Variants in EXOC4 observed in about 807,000 individuals in gnomAD.
EXOC4 encodes SEC8-like 1.
A neutral mutation model predicts 107.2 loss-of-function variants in EXOC4; 71 were observed. The ratio of observed to expected loss-of-function variants is 0.66; its 90% CI spans 0.55 to 0.81. The LOEUF is 0.81. EXOC4 is among the 30% of genes least tolerant of loss of function. The pLI is 0.00. For synonymous variants in EXOC4, 456 were observed against 441.2 expected (o/e 1.03, Z -0.42); for missense variants, 1,108 against 1,189.6 (o/e 0.93, Z 1.01).
At chr7:133,567,010 C>T (rs1447022467) in intron 9 of EXOC4, among the ~76,000 whole-genome samples, 1 of 152,102 alleles carries the variant, frequency 6.6e-6, no homozygotes, top group Non-Finnish European at 1.5e-5. Context: ...GGTTTTTCTT[C>T]TCCTTTTTTA....
chr7:134,003,668 CAG>C (rs1048097084), intron 15 of EXOC4, among the ~76,000 whole-genome samples: 1 of 152,032 alleles, frequency 6.6e-6, no homozygotes, highest in Non-Finnish European at 1.5e-5. Context: ...CCTAAAACAA[CAG>C]AGTTAGGACT....
intron 14 of EXOC4, among the ~76,000 whole-genome samples, chr7:133,958,370 A>T (rs528433806): frequency 6.6e-6 from 1 of 152,214 alleles, no homozygotes; most frequent in East Asian, 1.9e-4. Context: ...CTCTGCTAAG[A>T]ATTTCTCTTA....
In EXOC4 at chr7:133,399,916, C is replaced by T. The variant is rs117721877; in HGVS notation, c.1182+24914C>T. On this transcript the variant is annotated intron_variant, in intron 7 of 17. Coordinates refer to ENST00000253861, the MANE Select transcript of EXOC4 (RefSeq NM_021807.4). ...GTAAGGGTTCATGTATGTGTTTAGTCACCATTCAAATTTGAGAGTTAAGTA... is the reference window on the plus strand; with the variant it reads ...GTAAGGGTTCATGTATGTGTTTAGTTACCATTCAAATTTGAGAGTTAAGTA... Among the ~76,000 whole-genome samples the T allele has an allele frequency of 1.3e-4, 20 of 152,296 alleles. No homozygotes were observed. In the East Asian group the frequency reaches 3.3e-3, roughly 25 times the overall value.
chr7:133,820,771 G>A (rs1472007255), intron 11 of EXOC4, among the ~76,000 whole-genome samples: 1 of 152,228 alleles, frequency 6.6e-6, no homozygotes, highest in African/African-American at 2.4e-5. Context: ...GAGGGTGGGA[G>A]GACAGCTGTC....
chr7:134,086,099 A>T, the EXOC4 span, among the ~76,000 whole-genome samples: 35 of 152,232 alleles, frequency 2.3e-4, no homozygotes, highest in Non-Finnish European at 4.3e-4. Flanking sequence ...ATCTCTGTTC[A>T]GTCATTAGCT....
At chr7:133,659,598 A>G (rs1176083094) in intron 10 of EXOC4, among the ~76,000 whole-genome samples, 1 of 152,168 alleles carries the variant, frequency 6.6e-6, no homozygotes, top group Non-Finnish European at 1.5e-5. Context: ...AGGGGTTCTT[A>G]TTGTAAGTGT....
rs1272707115 is a variant in EXOC4 at position 133,823,864 on chromosome 7, TA to T, written c.1734+6321del. Among the ~76,000 whole-genome samples, 24 of 24,760 alleles carry T rather than the reference TA, an allele frequency of 9.7e-4. 2 individuals are homozygous for T. Among genetic ancestry groups the T allele is most frequent in the Admixed American group, 1.6e-3 (3 of 1,882 alleles). The allele number at this position is 24,760 out of a possible 152,430, so 16.2% of individuals were successfully genotyped here. ...TATATTATATATATATATATATATA[TA>T]TATATATTATATATATATATATATA... On this transcript the variant is annotated intron_variant, in intron 11 of 17. Transcript: ENST00000253861.
intron 10 of EXOC4, among the ~76,000 whole-genome samples, chr7:133,645,105 T>TC (rs1329691843): frequency 2.1e-4 from 28 of 133,738 alleles, no homozygotes; most frequent in African/African-American, 7.2e-4. Flanking sequence ...TTTTTTTTTT[T>TC]CTTTGAGATG....
intron 10 of EXOC4, among the ~76,000 whole-genome samples, chr7:133,643,019 G>T (rs1802897447): frequency 6.6e-6 from 1 of 152,046 alleles, no homozygotes; most frequent in African/African-American, 2.4e-5. Context: ...TAAGTGGATT[G>T]CTGTCTGCTT....
At chr7:133,658,190 G>A (rs1020781367) in intron 10 of EXOC4, among the ~76,000 whole-genome samples, 2 of 152,114 alleles carry the variant, frequency 1.3e-5, no homozygotes, top group African/African-American at 2.4e-5. Context: ...GAGAGAGAGC[G>A]AGAGAGATCC....
chr7:133,759,475 G>A (rs1230330513), intron 10 of EXOC4, among the ~76,000 whole-genome samples: 1 of 152,178 alleles, frequency 6.6e-6, no homozygotes, highest in Non-Finnish European at 1.5e-5. Flanking sequence ...CCAAGTACAA[G>A]TATTATCTCA....
chr7:133,679,441 G>A (rs914653504), intron 10 of EXOC4, among the ~76,000 whole-genome samples: 2 of 152,100 alleles, frequency 1.3e-5, no homozygotes, highest in African/African-American at 4.8e-5. Flanking sequence ...GCCTCTGAGA[G>A]TTCTCCTCAT....
At chr7:133,957,936 T>C (rs1293912198) in intron 14 of EXOC4, among the ~76,000 whole-genome samples, 1 of 152,218 alleles carries the variant, frequency 6.6e-6, no homozygotes. Flanking sequence ...CGATTCCTTT[T>C]CCTCAGCAAT....
intron 10 of EXOC4, among the ~76,000 whole-genome samples, chr7:133,756,865 T>C (rs1423188842): frequency 1.3e-5 from 2 of 152,222 alleles, no homozygotes; most frequent in Non-Finnish European, 2.9e-5. Flanking sequence ...TCAATATATC[T>C]GGATCTGATC....
chr7:133,936,867 C>G (rs2116724118), intron 13 of EXOC4, among the ~76,000 whole-genome samples: 1 of 152,224 alleles, frequency 6.6e-6, no homozygotes, highest in South Asian at 2.1e-4. Flanking sequence ...ACTGTTGTTG[C>G]CCAGGCTGGT....
chr7:133,853,344 TAACACACACA>T (rs1563027482), intron 11 of EXOC4, among the ~76,000 whole-genome samples: 2 of 78,984 alleles, frequency 2.5e-5, no homozygotes, highest in African/African-American at 4.7e-5. Flanking sequence ...TCTCTCTCTT[TAACACACACA>T]CACACACACA....
intron 5 of EXOC4, among the ~76,000 whole-genome samples, chr7:133,354,898 C>T (rs1216704129): frequency 6.6e-6 from 1 of 152,168 alleles, no homozygotes; most frequent in Non-Finnish European, 1.5e-5. Context: ...AAAATAGTTA[C>T]ATCAGACAGA....
the EXOC4 span, among the ~76,000 whole-genome samples, chr7:134,081,915 T>A: frequency 1.6e-4 from 24 of 152,106 alleles, no homozygotes; most frequent in East Asian, 4.3e-3. Flanking sequence ...ACCTTTAGAG[T>A]CCTTATACAT....
chr7:133,719,946 G>A (rs1795073438), intron 10 of EXOC4, among the ~76,000 whole-genome samples: 1 of 152,134 alleles, frequency 6.6e-6, no homozygotes, highest in Non-Finnish European at 1.5e-5. Flanking sequence ...TTGAAGGTAT[G>A]CAAAGGAGTT....
Sources: gnomAD v4.1 joint callset for allele counts (sites outside exome capture counted in the v4.1 genomes callset) on GRCh38, gnomAD v4.1.1 for gene constraint, MANE v1.5 for transcripts, NCBI Gene and HGNC (gene_info 2026-07-23, HGNC 2026-07-21) for gene names.